Variants in PREX1 observed in about 807,000 individuals in gnomAD.
The protein encoded by PREX1 is phosphatidylinositol-3,4,5-trisphosphate dependent Rac exchange factor 1.
A neutral mutation model predicts 198.3 loss-of-function variants in PREX1; 41 were observed. The ratio of observed to expected loss-of-function variants is 0.21; its 90% CI spans 0.16 to 0.27. The LOEUF (loss-of-function observed/expected upper bound fraction) is 0.27, where lower values mean the gene tolerates loss of function less well. Ranked by LOEUF, PREX1 falls within the 10% of genes least tolerant of loss-of-function variation. PREX1 has a pLI of 1.00. For missense variants in PREX1, 1,620 were observed against 2,200.7 expected, an observed-to-expected ratio of 0.74 and a Z score of 5.28; for synonymous variants, 843 against 887.2, an observed-to-expected ratio of 0.95 and a Z score of 0.89.
chr20:48,816,068 T>C (rs545543909), intron 1 of PREX1, among the ~76,000 whole-genome samples: 38 of 147,618 alleles, frequency 2.6e-4, no homozygotes, highest in Non-Finnish European at 4.8e-4. Flanking sequence ...TGGGGGTCTG[T>C]GTACTGTGTT....
intron 26 of PREX1, 62 bp downstream of exon 26, chr20:48,645,789 C>T (rs1327117679): frequency 3.9e-6 from 6 of 1,557,122 alleles, no homozygotes; most frequent in Admixed American, 1.8e-5. Flanking sequence ...GCCACGGGTC[C>T]GTGGCCTCAC....
At chr20:48,714,947 G>A (rs1198744373) in intron 5 of PREX1, among the ~76,000 whole-genome samples, 3 of 152,190 alleles carry the variant, frequency 2.0e-5, no homozygotes, top group Non-Finnish European at 4.4e-5. Context: ...CAAAGCCAAC[G>A]AGAGCTTGAG....
chr20:48,696,433 C>T (rs891270663), intron 7 of PREX1, among the ~76,000 whole-genome samples: 1 of 152,170 alleles, frequency 6.6e-6, no homozygotes, highest in African/African-American at 2.4e-5. Flanking sequence ...CATTACTCTA[C>T]GTGTCTGTTT....
At chr20:48,664,714 C>T (rs945352138) in intron 15 of PREX1, among the ~76,000 whole-genome samples, 4 of 152,256 alleles carry the variant, frequency 2.6e-5, no homozygotes, top group Non-Finnish European at 4.4e-5. Flanking sequence ...TAAACCCGCA[C>T]GATCTGGGTT....
chr20:48,673,898 C>G (rs1352522922), intron 14 of PREX1, among the ~76,000 whole-genome samples: 1 of 152,236 alleles, frequency 6.6e-6, no homozygotes, highest in East Asian at 1.9e-4. Context: ...ATTATCTCAT[C>G]AAAACCTCAA....
rs1173347503 is a variant in PREX1, at chr20:48,630,721, G to T, written c.4593+7C>A. 1.9e-6 allele frequency: 3 copies of T among 1,581,982 alleles called. No individual in the cohort carries two copies. The highest frequency in any genetic ancestry group is 2.2e-5 in the South Asian group (2 of 90,418). On this transcript the variant is annotated splice_region_variant and intron_variant, in intron 36 of 39. Coordinates refer to ENST00000371941, the MANE Select transcript of PREX1 (RefSeq NM_020820.4). Reference sequence around the variant, plus strand: ...GCTCCCTGCAGCAGGAGGGCACGTGGACATACCTGGTCTATCTTTACCGCC... The same window carrying T: ...GCTCCCTGCAGCAGGAGGGCACGTGTACATACCTGGTCTATCTTTACCGCC...
intron 3 of PREX1, among the ~76,000 whole-genome samples, chr20:48,736,642 T>C (rs2090058265): frequency 6.6e-6 from 1 of 152,216 alleles, no homozygotes; most frequent in African/African-American, 2.4e-5. Context: ...CACTCAGCCG[T>C]AGGTAAAACC....
chr20:48,851,070 C>T, the PREX1 span, among the ~76,000 whole-genome samples: 1 of 152,230 alleles, frequency 6.6e-6, no homozygotes, highest in Admixed American at 6.5e-5. Context: ...CACAGCCACA[C>T]TCCTTTGTTT....
intron 1 of PREX1, among the ~76,000 whole-genome samples, chr20:48,820,950 A>G (rs978111764): frequency 2.0e-5 from 3 of 152,254 alleles, no homozygotes; most frequent in Non-Finnish European, 4.4e-5. Context: ...CTATAATCCC[A>G]GCACTGTGGG....
intron 7 of PREX1, among the ~76,000 whole-genome samples, chr20:48,695,960 G>C (rs1259547802): frequency 6.6e-6 from 1 of 152,136 alleles, no homozygotes; most frequent in Non-Finnish European, 1.5e-5. Flanking sequence ...ATAGGCACAG[G>C]GCCAAGTCTG....
intron 27 of PREX1, 162 bp from the exon 28 acceptor site, chr20:48,642,651 T>TG: frequency 1.7e-6 from 1 of 605,932 alleles, no homozygotes; most frequent in Non-Finnish European, 2.9e-6. Flanking sequence ...GCAAATCACC[T>TG]GACCTCTCTG....
chr20:48,766,874 A>C (rs1252924104), intron 1 of PREX1, among the ~76,000 whole-genome samples: 1 of 152,026 alleles, frequency 6.6e-6, no homozygotes, highest in African/African-American at 2.4e-5. Flanking sequence ...CAGGTTCCTC[A>C]CCTGTAAAAT....
At chr20:48,842,802 G>A in the PREX1 span, among the ~76,000 whole-genome samples, 1 of 151,738 alleles carries the variant, frequency 6.6e-6, no homozygotes. Flanking sequence ...CTTCTTGGGG[G>A]CCCCAGTTTT....
At chr20:48,720,913 C>G (rs539052013) in intron 5 of PREX1, among the ~76,000 whole-genome samples, 2 of 152,118 alleles carry the variant, frequency 1.3e-5, no homozygotes, top group African/African-American at 4.8e-5. Flanking sequence ...GAGACACCAG[C>G]GGCCGTGCAC....
At chr20:48,718,227 G>A (rs1222772677) in intron 5 of PREX1, among the ~76,000 whole-genome samples, 5 of 151,292 alleles carry the variant, frequency 3.3e-5, no homozygotes, top group South Asian at 4.2e-4. Context: ...GCCCTAGCAC[G>A]GCTCACCGTG....
At chr20:48,732,018 C>T (rs1181398683) in intron 4 of PREX1, among the ~76,000 whole-genome samples, 1 of 152,234 alleles carries the variant, frequency 6.6e-6, no homozygotes, top group Non-Finnish European at 1.5e-5. Flanking sequence ...GGGACTGTCA[C>T]AGGGTGGTGC....
At chr20:48,639,703 C>A in intron 30 of PREX1, 63 bp downstream of exon 30, 1 of 1,586,110 alleles carries the variant, frequency 6.3e-7, no homozygotes, top group Non-Finnish European at 8.6e-7. Flanking sequence ...CTGATTCTCT[C>A]AGGTTCCACA....
chr20:48,651,168 G>A lies in PREX1; in HGVS notation c.2656-113C>T, dbSNP rs1289833059. 4 of 1,379,162 alleles carry A rather than the reference G, an allele frequency of 2.9e-6. No homozygotes were observed. The Admixed American group carries it at 6.6e-5, about 23-fold the overall frequency. 85.4% of individuals were successfully genotyped at this position (1,379,162 alleles called of 1,614,324 possible). Reference sequence around the variant, plus strand: ...TAATACCCCCCGGGAAGTCAGGTGTGTTGCTGGCCCATATTGCACGGGAGT... The same window carrying A: ...TAATACCCCCCGGGAAGTCAGGTGTATTGCTGGCCCATATTGCACGGGAGT... On this transcript the variant is annotated intron_variant, in intron 22 of 39. Transcript: ENST00000371941.
intron 10 of PREX1, among the ~76,000 whole-genome samples, chr20:48,682,017 A>T (rs990983984): frequency 1.1e-4 from 17 of 152,186 alleles, no homozygotes; most frequent in African/African-American, 3.9e-4. Context: ...CCACAGGCTT[A>T]CTACTCACAA....
Sources: gnomAD v4.1 joint callset for allele counts (sites outside exome capture counted in the v4.1 genomes callset) on GRCh38, gnomAD v4.1.1 for gene constraint, MANE v1.5 for transcripts, NCBI Gene and HGNC (gene_info 2026-07-23, HGNC 2026-07-21) for gene names.